Variants in DMAP1 observed in about 807,000 individuals in gnomAD.
DMAP1 encodes DNA methyltransferase 1 associated protein 1.
DMAP1 carries 26 observed loss-of-function variants against 52.7 expected under a neutral mutation model. The observed-to-expected ratio is 0.49, with a 90% CI of 0.36 to 0.68. The LOEUF is 0.68. Ranked by LOEUF, DMAP1 falls within the 30% of genes least tolerant of loss-of-function variation. The pLI, the probability that DMAP1 is intolerant of heterozygous loss-of-function variation, is 0.00. For missense variants in DMAP1, 439 were observed against 625.2 expected, an observed-to-expected ratio of 0.70 and a Z score of 3.18; for synonymous variants, 231 against 246.0, an observed-to-expected ratio of 0.94 and a Z score of 0.57.
Position 44,218,975 on chromosome 1 carries a change from C to G in DMAP1, c.721-81C>G. ...ATTACTTCTCAGATTCCCTCACAGACAGCCCAGCACCCTGTCACCTCCGTG... is the reference window on the plus strand; with the variant it reads ...ATTACTTCTCAGATTCCCTCACAGAGAGCCCAGCACCCTGTCACCTCCGTG... On this transcript the variant is annotated intron_variant, in intron 5 of 9. Coordinates refer to ENST00000372289, the MANE Select transcript of DMAP1 (RefSeq NM_019100.5). This position sits in a 1 kb window ranked among gnomAD's most constrained non-coding sequence, Gnocchi z 5.6. The G allele has an allele frequency of 2.6e-6, 4 of 1,540,916 alleles. No homozygotes were observed. In the South Asian group the frequency reaches 3.7e-5, roughly 14 times the overall value.
rs1387352693 is a variant in DMAP1 at position 44,220,549 on chromosome 1, G to A, written c.1345-10G>A. On this transcript the variant is annotated splice_polypyrimidine_tract_variant and intron_variant, in intron 9 of 9. Coordinates refer to ENST00000372289, the MANE Select transcript of DMAP1 (RefSeq NM_019100.5). The stretch of plus-strand genomic sequence containing the variant: ...GGTCACTGACCTCAATGCCTTCTGT[G>A]TATCCTCAGAGAAAGCGACGGGAGT... 9 of 1,614,222 alleles carry A rather than the reference G, an allele frequency of 5.6e-6. No homozygotes were observed. Among genetic ancestry groups the A allele is most frequent in the Non-Finnish European group, 7.6e-6 (9 of 1,180,028 alleles).
Position 44,214,906 on chromosome 1 carries a change from A to C in DMAP1, c.393+8A>C, listed in dbSNP as rs1557754221. ...TTTGCCAGGTTCAATAAGGTAAGCT[A>C]CCTTCATTCGGACACAGGCCAAGAT... On this transcript the variant is annotated splice_region_variant and intron_variant, in intron 3 of 9. Coordinates refer to ENST00000372289, the MANE Select transcript of DMAP1 (RefSeq NM_019100.5). The C allele has an allele frequency of 3.7e-6, 6 of 1,614,076 alleles. No homozygotes were observed. The highest frequency in any genetic ancestry group is 5.1e-6 in the Non-Finnish European group (6 of 1,179,996).
Position 44,213,739 on chromosome 1 carries a change from C to T in DMAP1, c.-15C>T, listed in dbSNP as rs1427179579. The T allele has an allele frequency of 1.9e-6, 3 of 1,564,954 alleles. No homozygotes were observed. Among genetic ancestry groups the T allele is most frequent in the Admixed American group, 3.8e-5 (2 of 52,716 alleles). ...GACCCTTGACCTCCGGTGGCTCCCC[C>T]ATCTCTCAGGCGCGATGGCTACGGG... On this transcript the variant is annotated 5_prime_UTR_variant, in exon 1 of 10. Transcript: ENST00000372289. This position sits in a 1 kb window ranked among gnomAD's most constrained non-coding sequence, Gnocchi z 4.5.
rs1311202953 is a variant in DMAP1, at chr1:44,219,853, A to C, written c.1026A>C (p.Glu342Asp). 6.2e-7 allele frequency: 1 copy of C among 1,614,082 alleles called. No homozygotes were observed. Among genetic ancestry groups the C allele is most frequent in the African/African-American group, 1.3e-5 (1 of 74,938 alleles). ...SVGQKKIKAL[E>D]QMLLELGVEL... ...GACAGAAGAAGATCAAGGCCCTGGA[A>C]CAGATGCTGCTGGAGCTTGGTGTGG... is the stretch of plus-strand genomic sequence containing the variant. The change falls in exon 8 of 10, where the codon GAA (glutamate) becomes GAC (aspartate). Residue 342 changes from glutamate (E) to aspartate (D), a missense_variant. By Grantham distance (45) the Glu-to-Asp change is conservative. This residue lies in a region of DMAP1 where 179 missense variants were observed against 285.9 expected (regional missense o/e 0.63). Coordinates refer to ENST00000372289, the MANE Select transcript of DMAP1 (RefSeq NM_019100.5).
chr1:44,217,795 G>A, intron 3 of DMAP1: 1 of 216,438 alleles, frequency 4.6e-6, no homozygotes, highest in Admixed American at 5.1e-5. Flanking sequence ...AGGGAGGAAG[G>A]GGCATTGGCA....
Position 44,219,455 on chromosome 1 carries a change from G to A in DMAP1, c.956G>A (p.Gly319Asp). ...AAGTTTCCAGACTTCAAGTCTGCAG[G>A]TGTCACGCTGCGGAGCCAACGGGTA... is the stretch of plus-strand genomic sequence containing the variant. Reference protein sequence around the residue: ...GIKFPDFKSAGVTLRSQRMKL... With the variant: ...GIKFPDFKSADVTLRSQRMKL... The change falls in exon 7 of 10, where the codon GGT (glycine) becomes GAT (aspartate). Residue 319 changes from glycine to aspartate, a missense_variant. Gly to Asp is a moderately conservative substitution (Grantham distance 94, BLOSUM62 -1). Coordinates refer to ENST00000372289, the MANE Select transcript of DMAP1 (RefSeq NM_019100.5). 6.3e-7 allele frequency: 1 copy of A among 1,593,162 alleles called. No individual in the cohort carries two copies.
At chr1:44,217,701 G>A (rs991627956) in intron 3 of DMAP1, 1 of 189,516 alleles carries the variant, frequency 5.3e-6, no homozygotes, top group African/African-American at 2.3e-5. Flanking sequence ...CCCTGATGTA[G>A]TCTAGCACTG....
chr1:44,215,041 C>G (rs1241152331), intron 3 of DMAP1, 143 bp downstream of exon 3: 1 of 940,668 alleles, frequency 1.1e-6, no homozygotes. Flanking sequence ...GTGGCAAATG[C>G]ATGCAGAGTA....
At chr1:44,220,524 G>T in intron 9 of DMAP1, 35 bp from the exon 10 acceptor site, 2 of 1,614,174 alleles carry the variant, frequency 1.2e-6, no homozygotes, top group Non-Finnish European at 1.7e-6. Context: ...GGCCTTGGGG[G>T]GTCACTGACC....
Position 44,218,739 on chromosome 1 carries a change from A to C in DMAP1, c.704A>C (p.Asn235Thr). The stretch of plus-strand genomic sequence containing the variant: ...AAGGAACAGCTTGAGCGTCTCTACA[A>C]CCGGACCCCAGAGCAGGTAAGCCCA... ...RRKEQLERLY[N>T]RTPEQVAEEE... Residue 235 changes from asparagine to threonine, a missense_variant, in exon 5 of 10, where the codon AAC becomes ACC. Asn to Thr is a moderately conservative substitution (Grantham distance 65). Around this residue, in one of 3 missense-constraint regions of DMAP1, gnomAD observed 142 missense variants for 149.5 expected, o/e 0.95. Transcript: ENST00000372289. This position sits in a 1 kb window ranked among gnomAD's most constrained non-coding sequence, Gnocchi z 5.6. 1 of 1,608,762 alleles carries C rather than the reference A, an allele frequency of 6.2e-7. No homozygotes were observed.
At chr1:44,214,667 A>T (rs375627152) in intron 2 of DMAP1, 36 bp from the exon 3 acceptor site, 1 of 1,612,246 alleles carries the variant, frequency 6.2e-7, no homozygotes, top group South Asian at 1.1e-5. Flanking sequence ...ACACCTTCTG[A>T]TTCTAACCTC....
chr1:44,216,391 G>A (rs910460382), intron 3 of DMAP1: 2 of 152,008 alleles, frequency 1.3e-5, no homozygotes, highest in Non-Finnish European at 1.5e-5. Context: ...CAACATGCCT[G>A]GCTAATTTTT....
At chr1:44,220,403 G>A in intron 9 of DMAP1, 94 bp downstream of exon 9, 2 of 1,531,728 alleles carry the variant, frequency 1.3e-6, no homozygotes, top group South Asian at 1.3e-5. Context: ...AGTGCCTGCA[G>A]CAGGAACGAT....
In DMAP1 at chr1:44,214,823, G is replaced by C; in HGVS notation, c.318G>C (p.Lys106Asn). Residue 106 changes from lysine (K) to asparagine (N), a missense_variant, in exon 3 of 10, where the codon AAG becomes AAC. By Grantham distance (94) the Lys-to-Asn change is moderately conservative (BLOSUM62 0). Around this residue, in one of 3 missense-constraint regions of DMAP1, gnomAD observed 118 missense variants for 189.8 expected, o/e 0.62. Coordinates refer to ENST00000372289, the MANE Select transcript of DMAP1 (RefSeq NM_019100.5). ...KWMPFTNPARKDGAMFFHWRR... is the reference protein window; with the variant it reads ...KWMPFTNPARNDGAMFFHWRR... ...TGCCATTCACCAACCCGGCCCGCAAGGACGGAGCAATGTTCTTCCACTGGC... is the reference window on the plus strand; with the variant it reads ...TGCCATTCACCAACCCGGCCCGCAACGACGGAGCAATGTTCTTCCACTGGC... 6.2e-7 allele frequency: 1 copy of C among 1,614,204 alleles called. No individual in the cohort carries two copies.
In DMAP1 at chr1:44,219,812, C is replaced by G. The variant is rs1431859024; in HGVS notation, c.985C>G (p.Leu329Val). The part of the protein sequence containing the change: ...GVTLRSQRMK[L>V]PSSVGQKKIK... Reference sequence around the variant, plus strand: ...TTGCCAGCTTTCATTGCAGATGAAGCTGCCAAGCTCTGTGGGACAGAAGAA... The same window carrying G: ...TTGCCAGCTTTCATTGCAGATGAAGGTGCCAAGCTCTGTGGGACAGAAGAA... The change falls in exon 8 of 10, where the codon CTG (leucine) becomes GTG (valine). Residue 329 changes from leucine (L) to valine (V), a missense_variant. By Grantham distance (32) the Leu-to-Val change is conservative (BLOSUM62 1). This residue lies in a region of DMAP1 where 179 missense variants were observed against 285.9 expected (regional missense o/e 0.63). Transcript: ENST00000372289. The G allele has an allele frequency of 3.7e-6, 6 of 1,613,986 alleles. No homozygotes were observed. The highest frequency in any genetic ancestry group is 5.1e-6 in the Non-Finnish European group (6 of 1,180,022).
At chr1:44,214,660 CCTT>C (rs1422567359) in intron 2 of DMAP1, 40 bp from the exon 3 acceptor site, 2 of 1,612,622 alleles carry the variant, frequency 1.2e-6, no homozygotes, top group Non-Finnish European at 1.7e-6. Flanking sequence ...CTTTAACACA[CCTT>C]CTGATTCTAA....
At chr1:44,220,414 C>T (rs1446014929) in intron 9 of DMAP1, 105 bp downstream of exon 9, 4 of 1,543,154 alleles carry the variant, frequency 2.6e-6, no homozygotes, top group Non-Finnish European at 3.5e-6. Context: ...CAGGAACGAT[C>T]ATCACTTCTG....
At chr1:44,215,428 G>T (rs1406476362) in intron 3 of DMAP1, 1 of 439,238 alleles carries the variant, frequency 2.3e-6, no homozygotes, top group Non-Finnish European at 4.6e-6. Flanking sequence ...CCAGAAACTT[G>T]GGGGATCGTC....
In DMAP1 at chr1:44,218,308, T is replaced by C; in HGVS notation, c.394-3T>C. ...CCCCTACTGTGTCCCTCTGTGCTAGTAGACTGTGCAGGTGCCTGTGTACTC... is the reference window on the plus strand; with the variant it reads ...CCCCTACTGTGTCCCTCTGTGCTAGCAGACTGTGCAGGTGCCTGTGTACTC... On this transcript the variant is annotated splice_region_variant and splice_polypyrimidine_tract_variant and intron_variant, in intron 3 of 9. Coordinates refer to ENST00000372289, the MANE Select transcript of DMAP1 (RefSeq NM_019100.5). The surrounding 1 kb of genome is among the most constrained non-coding windows in gnomAD (Gnocchi z 5.6). 1.9e-6 allele frequency: 3 copies of C among 1,614,216 alleles called. No individual in the cohort carries two copies. The highest frequency in any genetic ancestry group is 1.3e-5 in the African/African-American group (1 of 75,060).
Sources: allele counts gnomAD v4.1 joint callset, GRCh38; gene constraint gnomAD v4.1.1; regional missense constraint gnomAD v4.1.1; non-coding constraint Gnocchi (gnomAD v3.1); transcripts MANE v1.5; gene names NCBI Gene and HGNC (gene_info 2026-07-23, HGNC 2026-07-21).